Variants in ERBIN observed in about 807,000 individuals in gnomAD.
The protein encoded by ERBIN is erbb2 interacting protein.
Under a neutral mutation model 158.4 loss-of-function variants are expected in ERBIN, and 60 were observed. The observed-to-expected ratio is 0.38, with a 90% CI of 0.31 to 0.47. The LOEUF (loss-of-function observed/expected upper bound fraction) is 0.47. Among genes scored for constraint, ERBIN ranks in the 20% least tolerant of loss-of-function variants. ERBIN has a pLI of 0.99. For synonymous variants in ERBIN, 594 were observed against 557.2 expected (o/e 1.07, Z -0.93); for missense variants, 1,610 against 1,648.0 (o/e 0.98, Z 0.40).
intron 18 of ERBIN, among the ~76,000 whole-genome samples, chr5:66,048,300 T>G (rs1055736569): frequency 2.0e-5 from 3 of 151,888 alleles, no homozygotes; most frequent in African/African-American, 7.2e-5. Flanking sequence ...TGTTCTGTAG[T>G]GTTGAGGAGC....
At chr5:66,055,112 A>G (rs1456834516) in intron 21 of ERBIN, 161 bp downstream of exon 21, 1 of 1,396,172 alleles carries the variant, frequency 7.2e-7, no homozygotes, top group African/African-American at 1.4e-5. Flanking sequence ...CAGCCAGGAC[A>G]ATTGGGATGA....
intron 1 of ERBIN, among the ~76,000 whole-genome samples, chr5:65,956,254 T>G (rs908732908): frequency 1.2e-4 from 18 of 150,788 alleles, no homozygotes; most frequent in African/African-American, 4.5e-4. Context: ...GGGGTGTGGG[T>G]GTGTGGTGGT....
At chr5:66,048,822 C>A in intron 19 of ERBIN, 41 bp downstream of exon 19, 1 of 1,172,986 alleles carries the variant, frequency 8.5e-7, no homozygotes. Flanking sequence ...GAAATTGCCT[C>A]AATAAATTTA....
At chr5:66,003,592 A>T (rs759802316) in intron 4 of ERBIN, among the ~76,000 whole-genome samples, 2 of 152,210 alleles carry the variant, frequency 1.3e-5, no homozygotes, top group Non-Finnish European at 2.9e-5. Flanking sequence ...CTTGGACAAT[A>T]TCATGTTTTG....
At chr5:66,031,756 C>T (rs1756902909) in intron 14 of ERBIN, among the ~76,000 whole-genome samples, 1 of 152,106 alleles carries the variant, frequency 6.6e-6, no homozygotes, top group South Asian at 2.1e-4. Flanking sequence ...CCTTTGAGCC[C>T]AGGAGTTCTA....
intron 21 of ERBIN, among the ~76,000 whole-genome samples, chr5:66,056,448 G>T (rs948040333): frequency 3.3e-5 from 5 of 152,010 alleles, no homozygotes; most frequent in African/African-American, 1.2e-4. Flanking sequence ...ATCTTATATG[G>T]CTGTTTTCCT....
intron 1 of ERBIN, among the ~76,000 whole-genome samples, chr5:65,927,733 C>G (rs1463369137): frequency 6.6e-6 from 1 of 152,134 alleles, no homozygotes; most frequent in Non-Finnish European, 1.5e-5. Context: ...TTGGTCGGTT[C>G]TGCATAAATA....
intron 18 of ERBIN, 126 bp from the exon 19 acceptor site, chr5:66,048,541 G>GT: frequency 1.6e-6 from 1 of 627,336 alleles, no homozygotes; most frequent in Middle Eastern, 4.3e-4. Flanking sequence ...TTTTATTGCC[G>GT]TATCTTGAAA....
chr5:65,951,149 G>A (rs1746459083), intron 1 of ERBIN, among the ~76,000 whole-genome samples: 1 of 152,188 alleles, frequency 6.6e-6, no homozygotes, highest in Admixed American at 6.5e-5. Context: ...AATTTTTCAA[G>A]TGAACCTAAA....
chr5:65,988,615 T>C lies in ERBIN; in HGVS notation c.-57-20T>C, dbSNP rs1455183519. The C allele has an allele frequency of 6.6e-6, 1 of 152,184 alleles. No homozygotes were observed. Among genetic ancestry groups the C allele is most frequent in the Non-Finnish European group, 1.5e-5 (1 of 68,028 alleles). The allele number at this position is 152,184 out of a possible 1,614,324, so 9.4% of individuals were successfully genotyped here. ...ATCCGTTTTTATTGTTAATTTTGGT[T>C]CTTTTTTTGCTTTCCATAGAATGTT... On this transcript the variant is annotated intron_variant, in intron 1 of 25. Coordinates refer to ENST00000284037, the MANE Select transcript of ERBIN (RefSeq NM_001253697.2).
intron 21 of ERBIN, among the ~76,000 whole-genome samples, chr5:66,067,937 C>G (rs1761166245): frequency 6.6e-6 from 1 of 151,972 alleles, no homozygotes; most frequent in African/African-American, 2.4e-5. Context: ...ATAGCAAGAC[C>G]CATGTCTCTT....
At chr5:66,056,256 A>G (rs961086337) in intron 21 of ERBIN, among the ~76,000 whole-genome samples, 2 of 152,228 alleles carry the variant, frequency 1.3e-5, no homozygotes, top group African/African-American at 4.8e-5. Context: ...TAGACTTTTA[A>G]CAAGAGTTTA....
intron 1 of ERBIN, among the ~76,000 whole-genome samples, chr5:65,937,303 CTT>C (rs1744200610): frequency 6.6e-6 from 1 of 152,072 alleles, no homozygotes; most frequent in Non-Finnish European, 1.5e-5. Context: ...AATAACCTAG[CTT>C]TTTAAATTTT....
In ERBIN at chr5:66,075,190, A is replaced by C. The variant is rs753013910; in HGVS notation, c.3923A>C (p.His1308Pro). The C allele has an allele frequency of 6.2e-7, 1 of 1,614,190 alleles. No homozygotes were observed. The highest frequency in any genetic ancestry group is 8.5e-7 in the Non-Finnish European group (1 of 1,180,034). Residue 1308 changes from histidine to proline, a missense_variant, in exon 23 of 26, where the codon CAT becomes CCT. This residue lies in a region of ERBIN where 1,014 missense variants were observed against 936.1 expected (regional missense o/e 1.08). Coordinates refer to ENST00000284037, the MANE Select transcript of ERBIN (RefSeq NM_001253697.2). ...CACCAGCCTCCATATACACAGCCCC[A>C]TTGTTCTCCTAGACAAGGCCATGAA... ...VAHQPPYTQP[H>P]CSPRQGHELA...
chr5:66,053,371 T>C, intron 20 of ERBIN, 35 bp from the exon 21 acceptor site: 1 of 1,313,094 alleles, frequency 7.6e-7, no homozygotes, highest in East Asian at 2.4e-5. Context: ...AAACTCGGCT[T>C]TATTATGTTT....
chr5:66,026,591 A>G (rs1756281914), intron 13 of ERBIN, among the ~76,000 whole-genome samples, 174 bp downstream of exon 13: 1 of 152,018 alleles, frequency 6.6e-6, no homozygotes, highest in Admixed American at 6.5e-5. Flanking sequence ...GAAACAACAT[A>G]CAATGAAATC....
chr5:65,957,877 G>C (rs1007379974), intron 1 of ERBIN, among the ~76,000 whole-genome samples: 4 of 150,686 alleles, frequency 2.7e-5, no homozygotes, highest in African/African-American at 9.8e-5. Context: ...GCTGCCGGGC[G>C]GAGGCACTCC....
At chr5:66,047,981 T>C (rs1484964093) in intron 18 of ERBIN, among the ~76,000 whole-genome samples, 1 of 151,902 alleles carries the variant, frequency 6.6e-6, no homozygotes, top group Non-Finnish European at 1.5e-5. Flanking sequence ...TACTAAGTGT[T>C]AAAGAAATTT....
chr5:65,940,539 G>A (rs113744297), intron 1 of ERBIN, among the ~76,000 whole-genome samples: 5 of 114,078 alleles, frequency 4.4e-5, no homozygotes, highest in African/African-American at 7.0e-5. Flanking sequence ...CCCCCTGCCC[G>A]GCCAGCCGCC....
Sources: gnomAD v4.1 joint callset for allele counts (sites outside exome capture counted in the v4.1 genomes callset) on GRCh38, gnomAD v4.1.1 for gene constraint, gnomAD v4.1.1 regional missense constraint, MANE v1.5 for transcripts, NCBI Gene and HGNC (gene_info 2026-07-23, HGNC 2026-07-21) for gene names.